Variants in GCNT2 observed in about 807,000 individuals in gnomAD.
The protein encoded by GCNT2 is N-acetyllactosaminide beta-1,6-N-acetylglucosaminyl-transferase.
In GCNT2, 34 loss-of-function variants were observed where a neutral mutation model predicts 34.2. The ratio of observed to expected loss-of-function variants is 1.00; its 90% CI spans 0.76 to 1.32. The LOEUF (loss-of-function observed/expected upper bound fraction) is 1.32, where lower values mean the gene tolerates loss of function less well. Ranked by LOEUF, GCNT2 falls within the 40% of genes most tolerant of loss-of-function variation. The pLI is 0.00. For synonymous variants in GCNT2, 212 were observed against 188.0 expected (o/e 1.13, Z -1.04); for missense variants, 584 against 489.4 (o/e 1.19, Z -1.82).
intron 3 of GCNT2, among the ~76,000 whole-genome samples, chr6:10,601,023 C>T (rs1198017863): frequency 6.6e-6 from 1 of 152,132 alleles, no homozygotes; most frequent in African/African-American, 2.4e-5. Flanking sequence ...AACTCCTGGA[C>T]CCAAGCAATT....
chr6:10,551,421 A>T (rs1349512836), intron 3 of GCNT2, among the ~76,000 whole-genome samples: 1 of 147,344 alleles, frequency 6.8e-6, no homozygotes, highest in Non-Finnish European at 1.5e-5. Context: ...TTATTTTTTA[A>T]TTTTTATTAT....
intron 1 of GCNT2, among the ~76,000 whole-genome samples, chr6:10,524,926 C>T (rs910597900): frequency 4.0e-5 from 6 of 151,728 alleles, no homozygotes; most frequent in Non-Finnish European, 8.8e-5. Context: ...AGCTGTTCTT[C>T]CTCTGAGACT....
rs1491129469 is a variant in GCNT2, at chr6:10,534,139, C to CTTTTTTTTTTTTTTTTTTTTTTTTTTTTT, written c.925+4304_925+4305insTTTTTTTTTTTTTTTTTTTTTTTTTTTTT. 1.8e-3 allele frequency among the ~76,000 whole-genome samples: 221 copies of CTTTTTTTTTTTTTTTTTTTTTTTTTTTTT among 123,196 alleles called. 52 individuals are homozygous for CTTTTTTTTTTTTTTTTTTTTTTTTTTTTT. The highest frequency in any genetic ancestry group is 9.5e-3 in the Middle Eastern group (2 of 210). The allele number at this position is 123,196 out of a possible 152,430, so 80.8% of individuals were successfully genotyped here. A position where few individuals can be genotyped will look rare whatever the true frequency, so the allele number is the denominator to read the frequency against. ...CTGGTATCTGCCAGATTCCATGCTG[C>CTTTTTTTTTTTTTTTTTTTTTTTTTTTTT]TCTTTTTTTTTTTTTTTTTTAAGAT... On this transcript the variant is annotated intron_variant, in intron 3 of 4. Transcript: ENST00000495262.
chr6:10,531,384 G>C (rs960607013), intron 3 of GCNT2, among the ~76,000 whole-genome samples: 3 of 152,228 alleles, frequency 2.0e-5, no homozygotes, highest in Non-Finnish European at 2.9e-5. Flanking sequence ...GAAGATCACA[G>C]TCCTGGTTTC....
At chr6:10,581,550 A>C (rs1278685647) in intron 3 of GCNT2, among the ~76,000 whole-genome samples, 3 of 152,182 alleles carry the variant, frequency 2.0e-5, no homozygotes, top group African/African-American at 7.2e-5. Context: ...GATTACCGGC[A>C]TGAACCACTG....
chr6:10,582,824 A>G (rs1374457393), intron 3 of GCNT2, among the ~76,000 whole-genome samples: 3 of 151,894 alleles, frequency 2.0e-5, no homozygotes, highest in Non-Finnish European at 2.9e-5. Flanking sequence ...AACAACAATC[A>G]TAGCTAATGC....
At chr6:10,590,594 G>A (rs1486413007) in intron 3 of GCNT2, among the ~76,000 whole-genome samples, 1 of 147,090 alleles carries the variant, frequency 6.8e-6, no homozygotes, top group African/African-American at 2.5e-5. Context: ...TTGCTCTGTC[G>A]CCAGGCTGAA....
chr6:10,610,878 T>C (rs886823754), intron 3 of GCNT2, among the ~76,000 whole-genome samples: 1 of 152,212 alleles, frequency 6.6e-6, no homozygotes, highest in Non-Finnish European at 1.5e-5. Context: ...AGGAAATTTT[T>C]GAAATCCATT....
intron 3 of GCNT2, among the ~76,000 whole-genome samples, chr6:10,546,646 G>C (rs1762283581): frequency 6.6e-6 from 1 of 152,142 alleles, no homozygotes; most frequent in South Asian, 2.1e-4. Flanking sequence ...GTGACAGGGT[G>C]AGACTCCGTT....
chr6:10,594,401 GC>G lies in GCNT2; in HGVS notation c.926-26949del, dbSNP rs1472509618. Among the ~76,000 whole-genome samples the G allele has an allele frequency of 5.9e-5, 9 of 152,314 alleles. No homozygotes were observed. In the South Asian group the frequency reaches 1.7e-3, roughly 28 times the overall value. Reference sequence around the variant, plus strand: ...ATGGCAGACTTCATGAAAGTGGTATGCAAATAACTGATATTTGGGATGTACT... The same window carrying G: ...ATGGCAGACTTCATGAAAGTGGTATGAAATAACTGATATTTGGGATGTACT... On this transcript the variant is annotated intron_variant, in intron 3 of 4. Coordinates refer to ENST00000495262, the MANE Select transcript of GCNT2 (RefSeq NM_145649.5).
intron 3 of GCNT2, among the ~76,000 whole-genome samples, chr6:10,607,920 G>C (rs1765394050): frequency 1.3e-5 from 2 of 152,104 alleles, no homozygotes; most frequent in African/African-American, 4.8e-5. Context: ...TGGTCTCACA[G>C]TTAGTAATTG....
At chr6:10,600,690 A>G (rs1765055414) in intron 3 of GCNT2, among the ~76,000 whole-genome samples, 1 of 152,122 alleles carries the variant, frequency 6.6e-6, no homozygotes, top group South Asian at 2.1e-4. Context: ...TTTCTTTTCT[A>G]TTAATGAATG....
chr6:10,536,317 C>G (rs535834949), intron 3 of GCNT2, among the ~76,000 whole-genome samples: 2 of 151,824 alleles, frequency 1.3e-5, no homozygotes, highest in African/African-American at 4.8e-5. Flanking sequence ...TAAGCAATCT[C>G]TGTTTTTTTA....
Position 10,521,413 on chromosome 6 carries a change from GAGAGGT to G in GCNT2, c.-470_-469+4del, listed in dbSNP as rs1276294952. On this transcript the variant is annotated splice_donor_variant and 5_prime_UTR_variant, in exon 1 of 5. Coordinates refer to ENST00000495262, the MANE Select transcript of GCNT2 (RefSeq NM_145649.5). LOFTEE classifies it low-confidence loss of function (5UTR_SPLICE). ...GCAATCTTACCCTCCTGGGAACTGA[GAGAGGT>G]AGGTGGAGGTCAGCGTGCTGGGAAA... The G allele has an allele frequency of 6.5e-6, 1 of 153,082 alleles. No homozygotes were observed. The highest frequency in any genetic ancestry group is 1.5e-5 in the Non-Finnish European group (1 of 68,182). 9.5% of individuals were successfully genotyped at this position (153,082 alleles called of 1,614,324 possible). A position where few individuals can be genotyped will look rare whatever the true frequency, so the allele number is the denominator to read the frequency against.
In GCNT2 at chr6:10,529,231, T is replaced by TC. The variant is rs770738091; in HGVS notation, c.321dup (p.Gly108ArgfsTer4). On this transcript the variant is annotated frameshift_variant, in exon 3 of 5. Coordinates refer to ENST00000495262, the MANE Select transcript of GCNT2 (RefSeq NM_145649.5). LOFTEE classifies it high-confidence loss of function. Reference sequence around the variant, plus strand: ...TACACAGTGACCATCCACAAAGACTTCGGCACTTTTGAGAGGCTCTTCAGG... The same window carrying TC: ...TACACAGTGACCATCCACAAAGACTTCCGGCACTTTTGAGAGGCTCTTCAGG... The TC allele has an allele frequency of 2.5e-6, 4 of 1,614,042 alleles. No individual in the cohort carries two copies. Among genetic ancestry groups the TC allele is most frequent in the Non-Finnish European group, 3.4e-6 (4 of 1,180,024 alleles).
At chr6:10,542,077 T>C (rs1762058835) in intron 3 of GCNT2, among the ~76,000 whole-genome samples, 1 of 152,332 alleles carries the variant, frequency 6.6e-6, no homozygotes, top group African/African-American at 2.4e-5. Flanking sequence ...ATTGTGTTGT[T>C]GCTTTCATAC....
intron 3 of GCNT2, among the ~76,000 whole-genome samples, chr6:10,538,776 TA>T (rs1761904124): frequency 6.6e-6 from 1 of 152,148 alleles, no homozygotes; most frequent in Non-Finnish European, 1.5e-5. Flanking sequence ...ATAATGTATA[TA>T]AATAGTTTTG....
intron 3 of GCNT2, among the ~76,000 whole-genome samples, chr6:10,560,203 C>T (rs1249180931): frequency 6.6e-6 from 1 of 152,156 alleles, no homozygotes; most frequent in Non-Finnish European, 1.5e-5. Context: ...ATTCTTGTGC[C>T]TCAGCCTCCT....
intron 3 of GCNT2, among the ~76,000 whole-genome samples, chr6:10,559,363 A>G (rs1208273358): frequency 6.6e-6 from 1 of 152,164 alleles, no homozygotes; most frequent in Non-Finnish European, 1.5e-5. Flanking sequence ...TTTAGGAGAG[A>G]GAACACCTTT....
Sources: allele counts gnomAD v4.1 joint callset (sites outside exome capture counted in the v4.1 genomes callset), GRCh38; gene constraint gnomAD v4.1.1; transcripts MANE v1.5; gene names NCBI Gene and HGNC (gene_info 2026-07-23, HGNC 2026-07-21).